PIEZO2: variants seen among roughly 807,000 people sequenced by gnomAD.
PIEZO2 encodes the protein piezo type mechanosensitive ion channel component 2.
Under a neutral mutation model 337.3 loss-of-function variants are expected in PIEZO2, and 172 were observed. That is an observed-to-expected ratio of 0.51 (90% CI 0.45 to 0.58). The LOEUF is 0.58. Among genes scored for constraint, PIEZO2 ranks in the 20% least tolerant of loss-of-function variants. The pLI, the probability that PIEZO2 is intolerant of heterozygous loss-of-function variation, is 0.00. For synonymous variants in PIEZO2, 1,251 were observed against 1,228.5 expected, an observed-to-expected ratio of 1.02 and a Z score of -0.38; for missense variants, 3,028 against 3,391.3, an observed-to-expected ratio of 0.89 and a Z score of 2.66.
At chr18:11,137,608 C>T (rs2040525413) in intron 1 of PIEZO2, among the ~76,000 whole-genome samples, 1 of 152,190 alleles carries the variant, frequency 6.6e-6, no homozygotes, top group Non-Finnish European at 1.5e-5. Context: ...GGTTCCCTAG[C>T]AGGGGTCCGT....
In PIEZO2 at chr18:10,856,045, T is replaced by C. The variant is rs912525594; in HGVS notation, c.704-479A>G. Reference sequence around the variant, plus strand: ...CTCTCACTGTGCCATGCTTATTTTATTTTATTTTGTTTTGTTTTATTTTAT... The same window carrying C: ...CTCTCACTGTGCCATGCTTATTTTACTTTATTTTGTTTTGTTTTATTTTAT... On this transcript the variant is annotated intron_variant, in intron 6 of 55. Coordinates refer to ENST00000674853, the MANE Select transcript of PIEZO2 (RefSeq NM_001378183.1). The surrounding 1 kb of genome is among the most constrained non-coding windows in gnomAD (Gnocchi z 4.7). Among the ~76,000 whole-genome samples, 7 of 152,120 alleles carry C rather than the reference T, an allele frequency of 4.6e-5. No homozygotes were observed. Among genetic ancestry groups the C allele is most frequent in the African/African-American group, 9.7e-5 (4 of 41,420 alleles).
intron 2 of PIEZO2, among the ~76,000 whole-genome samples, chr18:10,987,943 G>T (rs1305367491): frequency 6.6e-6 from 1 of 152,046 alleles, no homozygotes; most frequent in African/African-American, 2.4e-5. Context: ...AGAACTGGTC[G>T]ACATCACTAA....
Position 10,988,638 on chromosome 18 carries a change from A to C in PIEZO2, c.161-8978T>G, listed in dbSNP as rs1275450743. On this transcript the variant is annotated intron_variant, in intron 2 of 55. Transcript: ENST00000674853. This position sits in a 1 kb window ranked among gnomAD's most constrained non-coding sequence, Gnocchi z 4.8. ...AAAACCTATCTGCACACCCATGTTT[A>C]CTACAGCATTATGCAAAACAACCAA... is the stretch of plus-strand genomic sequence containing the variant. Among the ~76,000 whole-genome samples the C allele has an allele frequency of 6.6e-6, 1 of 152,192 alleles. No individual in the cohort carries two copies. The highest frequency in any genetic ancestry group is 1.5e-5 in the Non-Finnish European group (1 of 68,028).
intron 1 of PIEZO2, among the ~76,000 whole-genome samples, chr18:11,081,976 T>G (rs1292339805): frequency 6.6e-6 from 1 of 152,102 alleles, no homozygotes; most frequent in African/African-American, 2.4e-5. Flanking sequence ...GTCAGGCTGA[T>G]CTCGAGCTCC....
intron 4 of PIEZO2, among the ~76,000 whole-genome samples, chr18:10,886,323 C>CATATATATATATATAT (rs58335722): frequency 1.1e-3 from 28 of 26,370 alleles, no homozygotes; most frequent in African/African-American, 3.9e-3. Context: ...CCTATACATA[C>CATATATATATATATAT]ATATATATAT....
At chr18:11,082,552 C>T (rs2038785399) in intron 1 of PIEZO2, among the ~76,000 whole-genome samples, 1 of 152,010 alleles carries the variant, frequency 6.6e-6, no homozygotes, top group Non-Finnish European at 1.5e-5. Context: ...CTCCTGACCT[C>T]GTGATCTGCC....
chr18:10,742,730 G>C (rs2037272606), intron 31 of PIEZO2, 115 bp from the exon 32 acceptor site: 1 of 1,118,102 alleles, frequency 8.9e-7, no homozygotes, highest in Admixed American at 2.7e-5. Flanking sequence ...AAACTACTTT[G>C]GAATACTTGT....
At chr18:10,802,564 G>T (rs546312579) in intron 9 of PIEZO2, among the ~76,000 whole-genome samples, 8 of 152,138 alleles carry the variant, frequency 5.3e-5, no homozygotes, top group Non-Finnish European at 8.8e-5. Context: ...CTTAATAAAA[G>T]ACAACCGGAT....
chr18:10,814,726 C>A (rs1230625401), intron 7 of PIEZO2, among the ~76,000 whole-genome samples: 2 of 152,106 alleles, frequency 1.3e-5, no homozygotes, highest in Non-Finnish European at 2.9e-5. Flanking sequence ...ATCCTGGGCT[C>A]CCTATGGGAA....
chr18:10,736,278 G>A (rs1373930890), intron 34 of PIEZO2, among the ~76,000 whole-genome samples: 1 of 75,020 alleles, frequency 1.3e-5, no homozygotes, highest in African/African-American at 8.0e-5. Context: ...TGCAATGCCA[G>A]AGAAGTCTTT....
In PIEZO2 at chr18:10,682,808, A is replaced by T. The variant is rs1018195008; in HGVS notation, c.7498-516T>A. Reference sequence around the variant, plus strand: ...AATGTTGTTCGACACCTAAGGTAAGATTTGTATGATTAGAAGAGCCCCCTC... The same window carrying T: ...AATGTTGTTCGACACCTAAGGTAAGTTTTGTATGATTAGAAGAGCCCCCTC... On this transcript the variant is annotated intron_variant, in intron 49 of 55. Coordinates refer to ENST00000674853, the MANE Select transcript of PIEZO2 (RefSeq NM_001378183.1). This position sits in a 1 kb window ranked among gnomAD's most constrained non-coding sequence, Gnocchi z 5.6. 2.6e-5 allele frequency among the ~76,000 whole-genome samples: 3 copies of T among 115,208 alleles called. No individual in the cohort carries two copies. The Admixed American group carries it at 3.0e-4, about 11-fold the overall frequency. 75.6% of individuals were successfully genotyped at this position (115,208 alleles called of 152,430 possible).
chr18:10,834,130 G>A lies in PIEZO2; in HGVS notation c.917+21223C>T, dbSNP rs554066678. Among the ~76,000 whole-genome samples the A allele has an allele frequency of 6.6e-6, 1 of 152,310 alleles. No individual in the cohort carries two copies. Among genetic ancestry groups the A allele is most frequent in the African/African-American group, 2.4e-5 (1 of 41,558 alleles). On this transcript the variant is annotated intron_variant, in intron 7 of 55. Transcript: ENST00000674853. This position sits in a 1 kb window ranked among gnomAD's most constrained non-coding sequence, Gnocchi z 4.5. ...AAGTGGGGTGTCCATCACCTACAGC[G>A]TTGATCAGTTCCTTGTGTTAGGAAC...
intron 1 of PIEZO2, among the ~76,000 whole-genome samples, chr18:11,135,038 C>CAA (rs5823137): frequency 8.0e-5 from 11 of 137,930 alleles, no homozygotes; most frequent in African/African-American, 2.8e-4. Context: ...ATTAAGTAAG[C>CAA]AAAAAAAAAA....
At chr18:10,785,127 C>A (rs1180221989) in intron 16 of PIEZO2, among the ~76,000 whole-genome samples, 170 bp from the exon 17 acceptor site, 1 of 152,190 alleles carries the variant, frequency 6.6e-6, no homozygotes, top group Non-Finnish European at 1.5e-5. Flanking sequence ...AGCCAGCTAA[C>A]CTACTTTAAC....
chr18:10,931,130 C>G (rs1369507813), intron 3 of PIEZO2, among the ~76,000 whole-genome samples: 1 of 86,570 alleles, frequency 1.2e-5, no homozygotes, highest in East Asian at 3.1e-4. Flanking sequence ...TTCCTACTCT[C>G]TCTCTTCTCT....
At chr18:11,065,889 A>G (rs2038130859) in intron 2 of PIEZO2, among the ~76,000 whole-genome samples, 1 of 152,228 alleles carries the variant, frequency 6.6e-6, no homozygotes, top group Non-Finnish European at 1.5e-5. Context: ...TGCCATGCTT[A>G]CTATGAAGCC....
rs1366270832 is a variant in PIEZO2 at position 11,002,346 on chromosome 18, A to T, written c.161-22686T>A. On this transcript the variant is annotated intron_variant, in intron 2 of 55. Coordinates refer to ENST00000674853, the MANE Select transcript of PIEZO2 (RefSeq NM_001378183.1). This position sits in a 1 kb window ranked among gnomAD's most constrained non-coding sequence, Gnocchi z 4.3. The stretch of plus-strand genomic sequence containing the variant: ...GCTGGAGAAAGCATACTTCAGAGTA[A>T]AATTTTCATCAGTAAAAAGAAACCA... Among the ~76,000 whole-genome samples, 1 of 152,214 alleles carries T rather than the reference A, an allele frequency of 6.6e-6. No homozygotes were observed. The highest frequency in any genetic ancestry group is 1.5e-5 in the Non-Finnish European group (1 of 68,038).
chr18:10,759,601 G>A lies in PIEZO2; in HGVS notation c.3656-18C>T. On this transcript the variant is annotated intron_variant, in intron 25 of 55. Coordinates refer to ENST00000674853, the MANE Select transcript of PIEZO2 (RefSeq NM_001378183.1). This position sits in a 1 kb window ranked among gnomAD's most constrained non-coding sequence, Gnocchi z 5.5. The stretch of plus-strand genomic sequence containing the variant: ...CGGGTAATCTGCAGGGAGGGAAGTG[G>A]CGAACAGCACAATCAATACTCTTCT... 1 of 1,536,034 alleles carries A rather than the reference G, an allele frequency of 6.5e-7. No homozygotes were observed. Among genetic ancestry groups the A allele is most frequent in the East Asian group, 2.4e-5 (1 of 40,904 alleles).
At chr18:10,950,246 G>A (rs531247125) in intron 3 of PIEZO2, among the ~76,000 whole-genome samples, 64 of 152,286 alleles carry the variant, frequency 4.2e-4, no homozygotes, top group African/African-American at 1.4e-3. Flanking sequence ...CGAGACGGGG[G>A]AAAGTCAATA....
Sources: gnomAD v4.1 joint callset for allele counts (sites outside exome capture counted in the v4.1 genomes callset) on GRCh38, gnomAD v4.1.1 for gene constraint, Gnocchi (gnomAD v3.1) non-coding constraint, MANE v1.5 for transcripts, NCBI Gene and HGNC (gene_info 2026-07-23, HGNC 2026-07-21) for gene names.